CTDP1: variants seen among roughly 807,000 people sequenced by gnomAD.
The protein encoded by CTDP1 is CTD phosphatase 1.
Under a neutral mutation model 91.8 loss-of-function variants are expected in CTDP1, and 47 were observed. That is an observed-to-expected ratio of 0.51 (90% CI 0.41 to 0.65). The LOEUF is 0.65. Among genes scored for constraint, CTDP1 ranks in the 30% least tolerant of loss-of-function variants. The probability of loss-of-function intolerance (pLI) is 0.00; values close to 1 mark genes in which losing one functional copy is unlikely to be tolerated. For synonymous variants in CTDP1, 656 were observed against 598.5 expected (o/e 1.10, Z -1.40); for missense variants, 1,272 against 1,373.7 (o/e 0.93, Z 1.17).
rs3786229 is a variant in CTDP1, at chr18:79,707,041, C to T, written c.772+2124C>T. 6.6e-3 allele frequency among the ~76,000 whole-genome samples: 1,004 copies of T among 152,378 alleles called. 46 individuals carry two copies. The East Asian group carries it at 0.12, about 18-fold the overall frequency. Reference sequence around the variant, plus strand: ...GCTTCTTTAGGTTCGCTGTTTCACACGTCTTGCTTATCCTTTCCTGAGGTG... The same window carrying T: ...GCTTCTTTAGGTTCGCTGTTTCACATGTCTTGCTTATCCTTTCCTGAGGTG... On this transcript the variant is annotated intron_variant, in intron 5 of 12. Coordinates refer to ENST00000613122, the MANE Select transcript of CTDP1 (RefSeq NM_004715.5).
At chr18:79,715,823 G>C (rs922801167) in intron 8 of CTDP1, among the ~76,000 whole-genome samples, 1 of 152,208 alleles carries the variant, frequency 6.6e-6, no homozygotes, top group Admixed American at 6.5e-5. Context: ...GGGAATCAGC[G>C]ATAGGGACGT....
chr18:79,738,410 G>A (rs566105038), intron 12 of CTDP1, among the ~76,000 whole-genome samples: 48 of 152,310 alleles, frequency 3.2e-4, no homozygotes, highest in South Asian at 6.2e-4. Context: ...GCCGTGGGCC[G>A]GTATTTGGAC....
intron 1 of CTDP1, among the ~76,000 whole-genome samples, chr18:79,682,305 G>A (rs1464077262): frequency 6.6e-6 from 1 of 152,224 alleles, no homozygotes; most frequent in Non-Finnish European, 1.5e-5. Context: ...TCAGTCACTT[G>A]TTGACAGATT....
intron 12 of CTDP1, 152 bp from the exon 13 acceptor site, chr18:79,753,500 C>A: frequency 8.4e-7 from 1 of 1,192,058 alleles, no homozygotes; most frequent in Non-Finnish European, 1.2e-6. Flanking sequence ...TGTGACGTGG[C>A]CCTGGGTCGG....
intron 10 of CTDP1, among the ~76,000 whole-genome samples, chr18:79,723,914 C>T (rs537947): frequency 0.94 from 142,975 of 152,284 alleles, 67,777 homozygotes; most frequent in East Asian, 1. Flanking sequence ...GGAGCACCTC[C>T]GTGCCCCTCA....
At chr18:79,679,535 G>C, upstream of CTDP1, 1 of 459,732 alleles carries the variant, frequency 2.2e-6, no homozygotes, top group South Asian at 1.5e-5. Flanking sequence ...GCCATGCTCT[G>C]TCCGCGGTGC....
At chr18:79,720,676 C>T (rs1173680092) in intron 10 of CTDP1, among the ~76,000 whole-genome samples, 1 of 152,216 alleles carries the variant, frequency 6.6e-6, no homozygotes, top group Non-Finnish European at 1.5e-5. Context: ...CTTCCTGTTG[C>T]GGGCTGGTTG....
At chr18:79,719,304 G>A (rs2122666815) in intron 10 of CTDP1, among the ~76,000 whole-genome samples, 1 of 152,286 alleles carries the variant, frequency 6.6e-6, no homozygotes, top group Admixed American at 6.5e-5. Flanking sequence ...AGTCGGGTCG[G>A]GTGACTGGGA....
At chr18:79,695,908 T>G in intron 2 of CTDP1, 69 bp from the exon 3 acceptor site, 1 of 1,253,396 alleles carries the variant, frequency 8.0e-7, no homozygotes, top group South Asian at 1.2e-5. Flanking sequence ...ATCCTGTCAC[T>G]TAGAGCCCAG....
Position 79,679,850 on chromosome 18 carries a change from C to G in CTDP1, c.-98C>G. 8.5e-7 allele frequency: 1 copy of G among 1,174,374 alleles called. No individual in the cohort carries two copies. The highest frequency in any genetic ancestry group is 1.1e-6 in the Non-Finnish European group (1 of 891,416). 72.7% of individuals were successfully genotyped at this position (1,174,374 alleles called of 1,614,324 possible). A position where few individuals can be genotyped will look rare whatever the true frequency, so the allele number is the denominator to read the frequency against. On this transcript the variant is annotated 5_prime_UTR_variant, in exon 1 of 13. Transcript: ENST00000613122. ...GGGTGGAAGCCGGTACCGAGAGGAA[C>G]TACAGCGTCGCCGCCTGGGTTGTGT...
chr18:79,711,158 G>A (rs2086076244), intron 6 of CTDP1, among the ~76,000 whole-genome samples: 1 of 152,132 alleles, frequency 6.6e-6, no homozygotes, highest in African/African-American at 2.4e-5. Flanking sequence ...TTGTGTATCT[G>A]TCATCCTCTC....
At chr18:79,728,306 G>C (rs982155662) in intron 10 of CTDP1, among the ~76,000 whole-genome samples, 8 of 152,126 alleles carry the variant, frequency 5.3e-5, no homozygotes, top group African/African-American at 1.9e-4. Context: ...AGCCATGTTG[G>C]CCAGGCTGGT....
At chr18:79,735,653 A>G (rs906186015) in intron 11 of CTDP1, 3 of 153,284 alleles carry the variant, frequency 2.0e-5, no homozygotes, top group Admixed American at 1.3e-4. Context: ...CCGCCGCCAC[A>G]TCGAGGCACT....
chr18:79,744,937 G>A (rs1158386884), intron 12 of CTDP1, among the ~76,000 whole-genome samples: 1 of 152,208 alleles, frequency 6.6e-6, no homozygotes, highest in Non-Finnish European at 1.5e-5. Flanking sequence ...GAGTAACGGA[G>A]GCTGGTGTGA....
At chr18:79,710,477 C>A in intron 6 of CTDP1, 41 bp downstream of exon 6, 2 of 1,385,042 alleles carry the variant, frequency 1.4e-6, no homozygotes, top group South Asian at 1.2e-5. Context: ...CCTCGCTGTT[C>A]ATTTCCCATT....
chr18:79,698,004 A>AT lies in CTDP1; in HGVS notation c.621+17dup. 1.2e-6 allele frequency: 2 copies of AT among 1,614,180 alleles called. No homozygotes were observed. Among genetic ancestry groups the AT allele is most frequent in the Non-Finnish European group, 1.7e-6 (2 of 1,180,006 alleles). On this transcript the variant is annotated intron_variant, in intron 4 of 12. Coordinates refer to ENST00000613122, the MANE Select transcript of CTDP1 (RefSeq NM_004715.5). ...GTCGAATAAAGTGAGTGCAGTCAGCATCTACGGACAGTTTCCCAGGAACCG... is the reference window on the plus strand; with the variant it reads ...GTCGAATAAAGTGAGTGCAGTCAGCATTCTACGGACAGTTTCCCAGGAACCG...
At chr18:79,749,194 G>A (rs997763895) in intron 12 of CTDP1, among the ~76,000 whole-genome samples, 16 of 152,282 alleles carry the variant, frequency 1.1e-4, no homozygotes, top group Admixed American at 3.3e-4. Flanking sequence ...TGGCTTCCTC[G>A]CTTGATTTTA....
chr18:79,747,415 G>A (rs909151646), intron 12 of CTDP1, among the ~76,000 whole-genome samples: 6 of 152,206 alleles, frequency 3.9e-5, no homozygotes, highest in South Asian at 2.1e-4. Context: ...CAGACGCCAC[G>A]GAGGGAGGGC....
chr18:79,719,878 G>A (rs1288155287), intron 10 of CTDP1, among the ~76,000 whole-genome samples: 1 of 146,576 alleles, frequency 6.8e-6, no homozygotes, highest in African/African-American at 2.5e-5. Flanking sequence ...CTCCCATTAG[G>A]AAGGTGTCCT....
Sources: gnomAD v4.1 joint callset for allele counts (sites outside exome capture counted in the v4.1 genomes callset) on GRCh38, gnomAD v4.1.1 for gene constraint, MANE v1.5 for transcripts, NCBI Gene and HGNC (gene_info 2026-07-23, HGNC 2026-07-21) for gene names.